MKLN1: variants seen among roughly 807,000 people sequenced by gnomAD.
MKLN1 encodes muskelin 1.
MKLN1 carries 18 observed loss-of-function variants against 99.0 expected under a neutral mutation model. The observed-to-expected ratio is 0.18, with a 90% CI of 0.13 to 0.27. MKLN1 has a LOEUF of 0.27. Among genes scored for constraint, MKLN1 ranks in the 10% least tolerant of loss-of-function variants. MKLN1 has a pLI of 1.00. For missense variants in MKLN1, 621 were observed against 875.9 expected (o/e 0.71, Z 3.67); for synonymous variants, 288 against 293.2 (o/e 0.98, Z 0.18).
At chr7:131,454,539 A>C (rs1297483580) in intron 12 of MKLN1, among the ~76,000 whole-genome samples, 2 of 152,218 alleles carry the variant, frequency 1.3e-5, no homozygotes, top group African/African-American at 4.8e-5. Context: ...TGTGGCAGAC[A>C]CTGTTGTTTG....
chr7:131,280,784 G>A (rs1563277427), intron 3 of MKLN1, among the ~76,000 whole-genome samples: 2 of 152,106 alleles, frequency 1.3e-5, no homozygotes, highest in Non-Finnish European at 2.9e-5. Flanking sequence ...GAGTAGCTGG[G>A]ATTATGGGCT....
chr7:131,188,645 C>A (rs1796487141), intron 2 of MKLN1, among the ~76,000 whole-genome samples: 1 of 152,168 alleles, frequency 6.6e-6, no homozygotes, highest in Non-Finnish European at 1.5e-5. Context: ...CCAAAGCCAG[C>A]CAAAAGGCAG....
At chr7:131,207,279 C>T (rs936783613) in intron 3 of MKLN1, among the ~76,000 whole-genome samples, 1 of 152,072 alleles carries the variant, frequency 6.6e-6, no homozygotes, top group Non-Finnish European at 1.5e-5. Context: ...TGATTTGCAG[C>T]CTCCACCTCC....
At chr7:131,237,915 G>A (rs1797348710) in intron 3 of MKLN1, among the ~76,000 whole-genome samples, 1 of 152,186 alleles carries the variant, frequency 6.6e-6, no homozygotes, top group African/African-American at 2.4e-5. Context: ...GGGAGGCCGA[G>A]GCAGGTGGAT....
At chr7:131,207,385 A>G (rs1028685055) in intron 3 of MKLN1, among the ~76,000 whole-genome samples, 2 of 151,892 alleles carry the variant, frequency 1.3e-5, no homozygotes, top group African/African-American at 4.8e-5. Context: ...TTTAGTAGAG[A>G]CAGGGTTTCG....
chr7:131,452,544 C>CTTTTTTTTTTTT (rs1159344518), intron 12 of MKLN1, among the ~76,000 whole-genome samples: 12 of 70,354 alleles, frequency 1.7e-4, no homozygotes, highest in African/African-American at 4.2e-4. Flanking sequence ...TCCTTTTATA[C>CTTTTTTTTTTTT]TTTTTTTTTT....
chr7:131,281,459 A>G (rs1357597667), intron 3 of MKLN1, among the ~76,000 whole-genome samples: 1 of 152,078 alleles, frequency 6.6e-6, no homozygotes, highest in Admixed American at 6.5e-5. Flanking sequence ...GAAATCAGGA[A>G]CTATGCCTCT....
intron 7 of MKLN1, among the ~76,000 whole-genome samples, chr7:131,412,517 G>A (rs1794909999): frequency 6.6e-6 from 1 of 152,218 alleles, no homozygotes; most frequent in Non-Finnish European, 1.5e-5. Context: ...ATCATAGTGT[G>A]TTTAGAGACT....
At chr7:131,346,664 G>A (rs1045724207) in intron 1 of MKLN1, among the ~76,000 whole-genome samples, 8 of 152,204 alleles carry the variant, frequency 5.3e-5, no homozygotes, top group African/African-American at 1.9e-4. Flanking sequence ...GAGGGTACTT[G>A]AGCAGAAAAG....
intron 10 of MKLN1, among the ~76,000 whole-genome samples, chr7:131,441,615 A>T (rs1251617960): frequency 6.6e-6 from 1 of 152,194 alleles, no homozygotes; most frequent in East Asian, 1.9e-4. Flanking sequence ...ACAAATCAAA[A>T]GCGTGGAAAT....
At chr7:131,173,838 C>A (rs1400885225) in intron 2 of MKLN1, among the ~76,000 whole-genome samples, 2 of 152,040 alleles carry the variant, frequency 1.3e-5, no homozygotes, top group Non-Finnish European at 2.9e-5. Flanking sequence ...ATTAAAAAAA[C>A]AAATCAAAAC....
chr7:131,271,145 C>T (rs1797877719), intron 3 of MKLN1, among the ~76,000 whole-genome samples: 1 of 152,102 alleles, frequency 6.6e-6, no homozygotes, highest in African/African-American at 2.4e-5. Flanking sequence ...TGAATGTCAT[C>T]ATGGAGAAAA....
intron 9 of MKLN1, among the ~76,000 whole-genome samples, chr7:131,436,876 T>C (rs1425649504): frequency 6.6e-6 from 1 of 152,160 alleles, no homozygotes; most frequent in African/African-American, 2.4e-5. Context: ...TCCCTATTTA[T>C]TTACTGTAGC....
intron 2 of MKLN1, among the ~76,000 whole-genome samples, chr7:131,149,559 C>T (rs934432383): frequency 6.6e-6 from 1 of 152,208 alleles, no homozygotes; most frequent in Non-Finnish European, 1.5e-5. Context: ...CTTTTCATTG[C>T]TGAGTCAACA....
intron 8 of MKLN1, among the ~76,000 whole-genome samples, chr7:131,423,583 CG>C (rs1795268423): frequency 6.6e-6 from 1 of 152,140 alleles, no homozygotes; most frequent in Admixed American, 6.5e-5. Flanking sequence ...CCGCCTGCCT[CG>C]GCCTCCCAAA....
intron 17 of MKLN1, chr7:131,478,933 C>A: frequency 1.9e-6 from 1 of 520,022 alleles, no homozygotes; most frequent in Non-Finnish European, 3.4e-6. Context: ...GAAACACAGT[C>A]AAAATAAATT....
At chr7:131,147,247 A>C (rs990040336) in intron 2 of MKLN1, among the ~76,000 whole-genome samples, 6 of 144,298 alleles carry the variant, frequency 4.2e-5, no homozygotes, top group Non-Finnish European at 9.1e-5. Flanking sequence ...TTTTTAGTAG[A>C]GACAGGGTTT....
intron 1 of MKLN1, among the ~76,000 whole-genome samples, chr7:131,363,667 T>C (rs1479351889): frequency 6.6e-6 from 1 of 151,986 alleles, no homozygotes; most frequent in Non-Finnish European, 1.5e-5. Context: ...AATAGACTTT[T>C]TCTTTATTTT....
rs1462247328 is a variant in MKLN1 at position 131,489,072 on chromosome 7, G to A, written c.*1344G>A. The A allele has an allele frequency of 6.6e-6, 1 of 152,112 alleles. No homozygotes were observed. The highest frequency in any genetic ancestry group is 1.5e-5 in the Non-Finnish European group (1 of 68,000). 9.4% of individuals were successfully genotyped at this position (152,112 alleles called of 1,614,324 possible). ...TTAAGAAGTGTCGGTCGATCCAGTG[G>A]CTCTTAAGAGTGAATAGCTTTATGG... On this transcript the variant is annotated 3_prime_UTR_variant, in exon 18 of 18. Coordinates refer to ENST00000352689, the MANE Select transcript of MKLN1 (RefSeq NM_013255.5).
Sources: gnomAD v4.1 joint callset for allele counts (sites outside exome capture counted in the v4.1 genomes callset) on GRCh38, gnomAD v4.1.1 for gene constraint, MANE v1.5 for transcripts, NCBI Gene and HGNC (gene_info 2026-07-23, HGNC 2026-07-21) for gene names.